The following RBMS3 variants were observed in gnomAD, a reference collection of about 807,000 sequenced individuals.
RBMS3 encodes RNA-binding motif, single-stranded-interacting protein 3.
Under a neutral mutation model 66.8 loss-of-function variants are expected in RBMS3, and 27 were observed. The ratio of observed to expected loss-of-function variants is 0.40; its 90% CI spans 0.30 to 0.56. The LOEUF is 0.56. RBMS3 is among the 20% of genes least tolerant of loss of function. The pLI, the probability that RBMS3 is intolerant of heterozygous loss-of-function variation, is 0.40. For missense variants in RBMS3, 513 were observed against 549.5 expected, an observed-to-expected ratio of 0.93 and a Z score of 0.66; for synonymous variants, 188 against 183.0, an observed-to-expected ratio of 1.03 and a Z score of -0.22.
At chr3:29,906,694 C>T (rs1398047908) in intron 10 of RBMS3, among the ~76,000 whole-genome samples, 2 of 152,050 alleles carry the variant, frequency 1.3e-5, no homozygotes, top group East Asian at 3.9e-4. Flanking sequence ...AGAATATATA[C>T]ATAAGTTAAA....
At chr3:29,838,576 G>T (rs1474236353) in intron 6 of RBMS3, among the ~76,000 whole-genome samples, 1 of 152,044 alleles carries the variant, frequency 6.6e-6, no homozygotes, top group Non-Finnish European at 1.5e-5. Flanking sequence ...GTCCCACTTT[G>T]TCACAGTGTT....
chr3:29,940,720 C>G (rs2061371759), intron 11 of RBMS3, among the ~76,000 whole-genome samples: 1 of 150,390 alleles, frequency 6.6e-6, no homozygotes, highest in African/African-American at 2.4e-5. Context: ...GTTTATTGTT[C>G]AATTCTCTAT....
chr3:29,304,862 C>T (rs569463650), intron 1 of RBMS3, among the ~76,000 whole-genome samples: 1 of 152,000 alleles, frequency 6.6e-6, no homozygotes, highest in African/African-American at 2.4e-5. Context: ...CTTTTTCACT[C>T]CTCAAATTCT....
At chr3:29,876,926 G>C (rs565251788) in intron 7 of RBMS3, among the ~76,000 whole-genome samples, 6 of 152,268 alleles carry the variant, frequency 3.9e-5, no homozygotes, top group African/African-American at 1.4e-4. Context: ...GGATGCTGCT[G>C]AAAGGAGGAC....
intron 1 of RBMS3, among the ~76,000 whole-genome samples, chr3:29,310,746 T>C (rs2034323683): frequency 6.6e-6 from 1 of 151,698 alleles, no homozygotes; most frequent in Non-Finnish European, 1.5e-5. Context: ...CAAGATGCGC[T>C]CCTTGGGGTA....
chr3:29,996,208 G>C lies in RBMS3; in HGVS notation c.1307+4999G>C, dbSNP rs1340158124. ...AATGGTAAAGGGATCAATTCAACAAGAAGAGCTAACTATCCTAAATATATA... is the reference window on the plus strand; with the variant it reads ...AATGGTAAAGGGATCAATTCAACAACAAGAGCTAACTATCCTAAATATATA... On this transcript the variant is annotated intron_variant, in intron 14 of 14. Coordinates refer to ENST00000383767, the MANE Select transcript of RBMS3 (RefSeq NM_001003793.3). 8.6e-5 allele frequency among the ~76,000 whole-genome samples: 13 copies of C among 150,792 alleles called. No homozygotes were observed. In the South Asian group the frequency reaches 1.7e-3, roughly 20 times the overall value.
chr3:29,695,836 C>T (rs1429571447), intron 4 of RBMS3, among the ~76,000 whole-genome samples: 1 of 152,132 alleles, frequency 6.6e-6, no homozygotes, highest in Non-Finnish European at 1.5e-5. Context: ...TTAATTTTAG[C>T]CAAAAATGTA....
chr3:29,909,061 G>A (rs1056572796), intron 10 of RBMS3, among the ~76,000 whole-genome samples: 1 of 152,076 alleles, frequency 6.6e-6, no homozygotes, highest in Non-Finnish European at 1.5e-5. Context: ...TACACAAAAA[G>A]TATGGGAGGA....
chr3:29,839,588 A>T (rs1392909390), intron 6 of RBMS3, among the ~76,000 whole-genome samples: 1 of 151,674 alleles, frequency 6.6e-6, no homozygotes, highest in Non-Finnish European at 1.5e-5. Flanking sequence ...AAAAAGAGAA[A>T]ATAATAATAA....
chr3:29,406,395 C>A (rs1246643103), intron 1 of RBMS3, among the ~76,000 whole-genome samples: 1 of 152,108 alleles, frequency 6.6e-6, no homozygotes, highest in Non-Finnish European at 1.5e-5. Context: ...ATGACTGTAG[C>A]TTTTAGTCAC....
intron 1 of RBMS3, among the ~76,000 whole-genome samples, chr3:29,390,628 G>T (rs2039247135): frequency 6.6e-6 from 1 of 152,122 alleles, no homozygotes; most frequent in South Asian, 2.1e-4. Context: ...GAGCCCCATG[G>T]TTGATTAGTG....
chr3:29,519,633 C>A (rs2044776216), intron 3 of RBMS3, among the ~76,000 whole-genome samples: 1 of 152,080 alleles, frequency 6.6e-6, no homozygotes, highest in African/African-American at 2.4e-5. Flanking sequence ...TGGTTTCTAT[C>A]TGAATGAAAA....
chr3:29,365,776 A>G (rs1441156758), intron 1 of RBMS3, among the ~76,000 whole-genome samples: 1 of 152,148 alleles, frequency 6.6e-6, no homozygotes, highest in Non-Finnish European at 1.5e-5. Flanking sequence ...TACTGAATGG[A>G]AAAAGAAATC....
intron 12 of RBMS3, among the ~76,000 whole-genome samples, chr3:29,975,557 C>CTA (rs917532316): frequency 2.1e-4 from 32 of 151,796 alleles, no homozygotes; most frequent in Non-Finnish European, 4.1e-4. Context: ...TTTACATCAA[C>CTA]TATATATATA....
At chr3:29,287,371 A>T (rs1294797350) in intron 1 of RBMS3, among the ~76,000 whole-genome samples, 3 of 151,782 alleles carry the variant, frequency 2.0e-5, no homozygotes, top group East Asian at 1.9e-4. Flanking sequence ...GAAATTATAA[A>T]TTTTTTTTTA....
At chr3:29,400,655 ACTTATT>A (rs2039768058) in intron 1 of RBMS3, among the ~76,000 whole-genome samples, 1 of 151,996 alleles carries the variant, frequency 6.6e-6, no homozygotes, top group South Asian at 2.1e-4. Context: ...AAAAGGACCT[ACTTATT>A]CTTAAACCAG....
chr3:29,762,154 G>C (rs1324673720), intron 5 of RBMS3, among the ~76,000 whole-genome samples: 1 of 152,108 alleles, frequency 6.6e-6, no homozygotes, highest in Non-Finnish European at 1.5e-5. Flanking sequence ...AAGAATACCA[G>C]TTTAGGAATA....
chr3:29,629,228 G>A (rs2049187919), intron 4 of RBMS3, among the ~76,000 whole-genome samples: 1 of 152,100 alleles, frequency 6.6e-6, no homozygotes, highest in Admixed American at 6.6e-5. Flanking sequence ...AGGATTCAAA[G>A]TGAAAAGTGC....
At chr3:29,899,913 A>G (rs949736701) in intron 10 of RBMS3, among the ~76,000 whole-genome samples, 158 bp downstream of exon 10, 2 of 151,778 alleles carry the variant, frequency 1.3e-5, no homozygotes, top group Non-Finnish European at 1.5e-5. Context: ...ATTCTACAAA[A>G]GCATGTACAA....
Sources: gnomAD v4.1 joint callset for allele counts (sites outside exome capture counted in the v4.1 genomes callset) on GRCh38, gnomAD v4.1.1 for gene constraint, MANE v1.5 for transcripts, NCBI Gene and HGNC (gene_info 2026-07-23, HGNC 2026-07-21) for gene names.